SMYD3: variants seen among roughly 807,000 people sequenced by gnomAD.
SMYD3 encodes histone-lysine N-methyltransferase SMYD3.
In SMYD3, 36 loss-of-function variants were observed where a neutral mutation model predicts 57.7. That is an observed-to-expected ratio of 0.62 (90% confidence interval 0.48 to 0.82). The LOEUF is 0.82. SMYD3 is among the 40% of genes least tolerant of loss of function. SMYD3 has a pLI of 0.00. For missense variants in SMYD3, 515 were observed against 538.8 expected (o/e 0.96, Z 0.44); for synonymous variants, 211 against 195.0 (o/e 1.08, Z -0.68).
chr1:246,007,276 A>C (rs969133497), intron 5 of SMYD3, among the ~76,000 whole-genome samples: 1 of 152,088 alleles, frequency 6.6e-6, no homozygotes, highest in African/African-American at 2.4e-5. Flanking sequence ...GTTTCTATTC[A>C]AGAGGAAAAC....
chr1:246,223,088 A>G (rs2063280392), intron 5 of SMYD3, among the ~76,000 whole-genome samples: 2 of 152,118 alleles, frequency 1.3e-5, no homozygotes, highest in Admixed American at 6.5e-5. Context: ...TGAAGGTTCC[A>G]GCAAAGAGCT....
intron 5 of SMYD3, among the ~76,000 whole-genome samples, chr1:245,943,524 C>CA (rs2057329083): frequency 6.6e-6 from 1 of 152,112 alleles, no homozygotes; most frequent in South Asian, 2.1e-4. Context: ...TAGGACCAGA[C>CA]ATATTGACAG....
At chr1:246,480,526 A>G (rs570697733) in intron 1 of SMYD3, among the ~76,000 whole-genome samples, 1 of 152,212 alleles carries the variant, frequency 6.6e-6, no homozygotes, top group Non-Finnish European at 1.5e-5. Flanking sequence ...TTAGATTAAC[A>G]AACACCTCTC....
At chr1:245,969,802 G>A (rs1469924131) in intron 5 of SMYD3, among the ~76,000 whole-genome samples, 1 of 152,178 alleles carries the variant, frequency 6.6e-6, no homozygotes, top group Non-Finnish European at 1.5e-5. Context: ...CCATCAGAAT[G>A]CTATTAGCAT....
chr1:246,157,748 G>A (rs1028279648), intron 5 of SMYD3, among the ~76,000 whole-genome samples: 16 of 152,176 alleles, frequency 1.1e-4, no homozygotes, highest in Non-Finnish European at 2.2e-4. Context: ...TCAATCCCTA[G>A]TGGAACTGCG....
chr1:246,342,497 G>C (rs557302323), intron 2 of SMYD3, among the ~76,000 whole-genome samples: 1 of 152,236 alleles, frequency 6.6e-6, no homozygotes, highest in East Asian at 1.9e-4. Context: ...CTGGAATCTG[G>C]GAAAAGAAAA....
chr1:246,327,840 C>T (rs2065380763), intron 4 of SMYD3, among the ~76,000 whole-genome samples: 1 of 152,274 alleles, frequency 6.6e-6, no homozygotes, highest in East Asian at 1.9e-4. Flanking sequence ...GCTAGTACAT[C>T]ATGAATAGAA....
At chr1:246,433,408 C>T (rs532458494) in intron 1 of SMYD3, among the ~76,000 whole-genome samples, 1 of 152,178 alleles carries the variant, frequency 6.6e-6, no homozygotes, top group Non-Finnish European at 1.5e-5. Context: ...CGCCTGTAAT[C>T]CCAGCACTTT....
intron 5 of SMYD3, among the ~76,000 whole-genome samples, chr1:246,231,805 A>G (rs968423639): frequency 3.3e-5 from 5 of 150,082 alleles, no homozygotes; most frequent in Admixed American, 2.6e-4. Flanking sequence ...AACTTCTCAC[A>G]GCAATCAATT....
At chr1:246,248,426 G>C (rs2063743101) in intron 5 of SMYD3, among the ~76,000 whole-genome samples, 1 of 152,088 alleles carries the variant, frequency 6.6e-6, no homozygotes, top group Admixed American at 6.5e-5. Flanking sequence ...TCTCCCAACA[G>C]AGACTTTTTG....
intron 5 of SMYD3, among the ~76,000 whole-genome samples, chr1:246,165,897 C>G (rs1284613736): frequency 6.6e-6 from 1 of 152,012 alleles, no homozygotes; most frequent in Non-Finnish European, 1.5e-5. Flanking sequence ...AGAGGAGGCC[C>G]TGGCAATGCA....
At chr1:246,427,302 C>T (rs973540901) in intron 1 of SMYD3, among the ~76,000 whole-genome samples, 9 of 151,926 alleles carry the variant, frequency 5.9e-5, no homozygotes, top group South Asian at 4.2e-4. Context: ...GGGCGGATCA[C>T]GAGGTCAGGA....
intron 7 of SMYD3, among the ~76,000 whole-genome samples, chr1:245,916,614 C>A (rs1050489224): frequency 2.0e-5 from 3 of 152,182 alleles, no homozygotes; most frequent in African/African-American, 7.2e-5. Flanking sequence ...TCTGCGGGCT[C>A]CACCTTAAAA....
chr1:246,050,136 AGAGGTTCCATATAGGC>A (rs2060042711), intron 5 of SMYD3, among the ~76,000 whole-genome samples: 1 of 152,256 alleles, frequency 6.6e-6, no homozygotes, highest in African/African-American at 2.4e-5. Context: ...ATGAAAGATC[AGAGGTTCCATATAGGC>A]CTTAATTAGA....
chr1:246,438,412 A>G (rs1315757921), intron 1 of SMYD3, among the ~76,000 whole-genome samples: 1 of 152,182 alleles, frequency 6.6e-6, no homozygotes, highest in East Asian at 1.9e-4. Flanking sequence ...GGTGAATGAT[A>G]AGAGACAAGT....
At chr1:245,997,396 C>T (rs555338504) in intron 5 of SMYD3, among the ~76,000 whole-genome samples, 4 of 152,352 alleles carry the variant, frequency 2.6e-5, no homozygotes, top group South Asian at 2.1e-4. Context: ...TATTTCAGCA[C>T]GCTTGCTGCT....
intron 2 of SMYD3, among the ~76,000 whole-genome samples, chr1:246,351,328 A>G (rs944986325): frequency 1.3e-5 from 2 of 152,226 alleles, no homozygotes; most frequent in Non-Finnish European, 2.9e-5. Flanking sequence ...AATCATATTA[A>G]ATCCTCAAAA....
intron 1 of SMYD3, among the ~76,000 whole-genome samples, chr1:246,447,916 A>G (rs1259564701): frequency 6.6e-6 from 1 of 152,226 alleles, no homozygotes; most frequent in African/African-American, 2.4e-5. Flanking sequence ...CCCAGATTCA[A>G]CATTTGTTAA....
chr1:246,480,868 G>A (rs560057498), intron 1 of SMYD3, among the ~76,000 whole-genome samples: 8 of 151,796 alleles, frequency 5.3e-5, no homozygotes, highest in Non-Finnish European at 8.8e-5. Context: ...GTGCAATCTC[G>A]GCTCACTGCA....
Sources: gnomAD v4.1 joint callset for allele counts (sites outside exome capture counted in the v4.1 genomes callset) on GRCh38, gnomAD v4.1.1 for gene constraint, MANE v1.5 for transcripts, NCBI Gene and HGNC (gene_info 2026-07-23, HGNC 2026-07-21) for gene names.